The following STAP2 variants were observed in gnomAD, a reference collection of about 807,000 sequenced individuals.
STAP2 encodes signal transducing adaptor family member 2, also known as signal-transducing adaptor protein 2.
In STAP2, 58 loss-of-function variants were observed where a neutral mutation model predicts 52.7. The ratio of observed to expected loss-of-function variants is 1.10; its 90% CI spans 0.89 to 1.37. The LOEUF is 1.37. Ranked by LOEUF, STAP2 falls within the 40% of genes most tolerant of loss-of-function variation. The pLI is 0.00. For synonymous variants in STAP2, 231 were observed against 210.5 expected, an observed-to-expected ratio of 1.10 and a Z score of -0.84; for missense variants, 522 against 519.4, an observed-to-expected ratio of 1.00 and a Z score of -0.05.
chr19:4,325,330 G>A (rs10411394), intron 10 of STAP2, 22 bp from the exon 11 acceptor site: 731,039 of 1,613,870 alleles, frequency 0.45, 167,324 homozygotes, highest in East Asian at 0.61. Context: ...AAAGTGTAAC[G>A]TGTCACATCA....
At chr19:4,331,919 G>GA (rs1275235175) in intron 4 of STAP2, 103 bp downstream of exon 4, 25 of 1,262,442 alleles carry the variant, frequency 2.0e-5, no homozygotes, top group Non-Finnish European at 2.7e-5. Flanking sequence ...GCGACAGAGC[G>GA]AGACTCCGTC....
chr19:4,329,301 C>T (rs185023966), intron 5 of STAP2, among the ~76,000 whole-genome samples: 3 of 151,486 alleles, frequency 2.0e-5, no homozygotes, highest in Non-Finnish European at 4.4e-5. Context: ...GAGATGGGGT[C>T]TCGCTATGTT....
chr19:4,327,180 T>C lies in STAP2; in HGVS notation c.707A>G (p.His236Arg). 3.1e-6 allele frequency: 5 copies of C among 1,614,122 alleles called. No individual in the cohort carries two copies. Among genetic ancestry groups the C allele is most frequent in the South Asian group, 1.1e-5 (1 of 91,066 alleles). The change falls in exon 8 of 13, where the codon CAT becomes CGT. Residue 236 changes from histidine to arginine, a missense_variant. Transcript: ENST00000594605. Reference sequence around the variant, plus strand: ...GAATGGCACCAGCGCCTTTTTGGTATGCGACACGAAATAGTTGACCACGGC... The same window carrying C: ...GAATGGCACCAGCGCCTTTTTGGTACGCGACACGAAATAGTTGACCACGGC... ...LDAVVNYFVS[H>R]TKKALVPFLL...
intron 1 of STAP2, among the ~76,000 whole-genome samples, chr19:4,337,603 T>C (rs1349249777): frequency 6.7e-6 from 1 of 149,262 alleles, no homozygotes; most frequent in Non-Finnish European, 1.5e-5. Flanking sequence ...TCCCAGCATT[T>C]AGAGAGGCCG....
chr19:4,333,713 T>A lies in STAP2; in HGVS notation c.278A>T (p.Asp93Val). Residue 93 changes from aspartate to valine, a missense_variant, in exon 3 of 13, where the codon GAT (aspartate) becomes GTT (valine). Asp to Val is a radical substitution (Grantham distance 152). Transcript: ENST00000594605. ...PGTHFSLILR[D>V]QEIKFKVETL... ...ACCTACCTTGAACTTGATCTCCTGA[T>A]CCCGGAGAATCAGGCTGAAGTGGGT... The A allele has an allele frequency of 3.1e-6, 5 of 1,612,500 alleles. No individual in the cohort carries two copies. Among genetic ancestry groups the A allele is most frequent in the Non-Finnish European group, 4.2e-6 (5 of 1,179,920 alleles).
At chr19:4,327,269 C>G in intron 7 of STAP2, 43 bp from the exon 8 acceptor site, 2 of 1,613,836 alleles carry the variant, frequency 1.2e-6, no homozygotes, top group East Asian at 2.2e-5. Flanking sequence ...GGAGAAGGGA[C>G]GCGGACCCCA....
In STAP2 at chr19:4,337,612, C is replaced by T. The variant is rs1004191825; in HGVS notation, c.102+1040G>A. ...CTGTAATCCCAGCATTTAGAGAGGC[C>T]GAGACAGGTGGATCACCTGAGGTCA... On this transcript the variant is annotated intron_variant, in intron 1 of 12. Transcript: ENST00000594605. Among the ~76,000 whole-genome samples, 11 of 150,000 alleles carry T rather than the reference C, an allele frequency of 7.3e-5. No individual in the cohort carries two copies. In the East Asian group the frequency reaches 1.2e-3, roughly 16 times the overall value.
At chr19:4,328,595 C>T in intron 6 of STAP2, 80 bp downstream of exon 6, 1 of 1,523,252 alleles carries the variant, frequency 6.6e-7, no homozygotes, top group Non-Finnish European at 8.8e-7. Context: ...CGGACTCCGC[C>T]CCTGCTTCTG....
chr19:4,326,185 T>C (rs1971789984), intron 9 of STAP2, among the ~76,000 whole-genome samples: 1 of 152,198 alleles, frequency 6.6e-6, no homozygotes, highest in Non-Finnish European at 1.5e-5. Flanking sequence ...CGTATCTGCA[T>C]TTATGTGTAC....
chr19:4,337,730 C>T (rs2144798613), intron 1 of STAP2, among the ~76,000 whole-genome samples: 1 of 152,162 alleles, frequency 6.6e-6, no homozygotes, highest in African/African-American at 2.4e-5. Context: ...GTAATCCCAG[C>T]TACTCGGGAG....
At chr19:4,332,196 C>CTTTTTTTTTTTTTTTT (rs58828365) in intron 3 of STAP2, 118 bp from the exon 4 acceptor site, 3 of 218,764 alleles carry the variant, frequency 1.4e-5, no homozygotes, top group African/African-American at 4.3e-5. Flanking sequence ...TCTTTTTCTT[C>CTTTTTTTTTTTTTTTT]TTTTTTTTTT....
chr19:4,334,577 C>T (rs1971943395), intron 1 of STAP2, among the ~76,000 whole-genome samples: 1 of 148,612 alleles, frequency 6.7e-6, no homozygotes, highest in Admixed American at 6.7e-5. Context: ...TATTCATCCA[C>T]CCACCCACCC....
At chr19:4,336,081 C>T (rs1005608466) in intron 1 of STAP2, among the ~76,000 whole-genome samples, 2 of 151,926 alleles carry the variant, frequency 1.3e-5, no homozygotes, top group Non-Finnish European at 2.9e-5. Context: ...GGTGCGATCT[C>T]GGCTCACTGC....
intron 6 of STAP2, among the ~76,000 whole-genome samples, chr19:4,328,009 C>A (rs1398093408): frequency 1.3e-5 from 2 of 152,124 alleles, no homozygotes; most frequent in Non-Finnish European, 2.9e-5. Flanking sequence ...TTGACTTCAT[C>A]CCCTCCAGTG....
At chr19:4,325,042 G>A (rs1971764355) in intron 11 of STAP2, 174 bp downstream of exon 11, 2 of 598,138 alleles carry the variant, frequency 3.3e-6, no homozygotes, top group Admixed American at 2.9e-5. Context: ...GAGAGGCTGA[G>A]GCAGGAGAAT....
Position 4,332,072 on chromosome 19 carries a change from T to C in STAP2, c.304A>G (p.Thr102Ala). 1 of 1,611,538 alleles carries C rather than the reference T, an allele frequency of 6.2e-7. No individual in the cohort carries two copies. Residue 102 changes from threonine (T) to alanine (A), a missense_variant, in exon 4 of 13, where the codon ACC (threonine) becomes GCC (alanine). Coordinates refer to ENST00000594605, the MANE Select transcript of STAP2 (RefSeq NM_001013841.2). ...TTCCACATTTCCCGACACTCCAAGG[T>C]CTCTACCTGGGGAACAAAAGAAAGG... ...RDQEIKFKVE[T>A]LECREMWKGF...
chr19:4,328,796 CCTT>C lies in STAP2; in HGVS notation c.466_468del (p.Lys156del), dbSNP rs924030013. 1.2e-6 allele frequency: 2 copies of C among 1,611,388 alleles called. No individual in the cohort carries two copies. Among genetic ancestry groups the C allele is most frequent in the African/African-American group, 2.7e-5 (2 of 74,872 alleles). Reference sequence around the variant, plus strand: ...AGCAGTTGTGCCTCCAGCCGGCTCACCTTCAGGAAGCACCTGTGGCGGGCCGCG... The same window carrying C: ...AGCAGTTGTGCCTCCAGCCGGCTCACCAGGAAGCACCTGTGGCGGGCCGCG... On this transcript the variant is annotated inframe_deletion, in exon 6 of 13. Transcript: ENST00000594605.
At chr19:4,332,612 G>A (rs1253841261) in intron 3 of STAP2, among the ~76,000 whole-genome samples, 3 of 151,954 alleles carry the variant, frequency 2.0e-5, no homozygotes, top group African/African-American at 7.3e-5. Context: ...GGAGGTCGAG[G>A]CGGGAGGATC....
At position 4,325,378 on chromosome 19, in the gene STAP2, G is replaced by T. The variant is rs753683432; in HGVS notation, c.979+18C>A. The T allele has an allele frequency of 1.2e-6, 2 of 1,614,214 alleles. No individual in the cohort carries two copies. Among genetic ancestry groups the T allele is most frequent in the South Asian group, 2.2e-5 (2 of 91,082 alleles). ...TTTCCCCAACCCCCAGCTCTCAGCA[G>T]CTCTGTTCCCCACCCACCATCTTGG... is the stretch of plus-strand genomic sequence containing the variant. On this transcript the variant is annotated intron_variant, in intron 10 of 12. Transcript: ENST00000594605.
Sources: gnomAD v4.1 joint callset for allele counts (sites outside exome capture counted in the v4.1 genomes callset) on GRCh38, gnomAD v4.1.1 for gene constraint, MANE v1.5 for transcripts, NCBI Gene and HGNC (gene_info 2026-07-23, HGNC 2026-07-21) for gene names.